The following TNR variants were observed in gnomAD, a reference collection of about 807,000 sequenced individuals.
TNR encodes tenascin R.
A neutral mutation model predicts 150.4 loss-of-function variants in TNR; 45 were observed. That is an observed-to-expected ratio of 0.30 (90% confidence interval 0.24 to 0.38). The LOEUF (loss-of-function observed/expected upper bound fraction) is 0.38, where lower values mean the gene tolerates loss of function less well. Among genes scored for constraint, TNR ranks in the 10% least tolerant of loss-of-function variants. The probability of loss-of-function intolerance (pLI) is 1.00; values close to 1 mark genes in which losing one functional copy is unlikely to be tolerated. For missense variants in TNR, 1,544 were observed against 1,759.1 expected (o/e 0.88, Z 2.19); for synonymous variants, 687 against 678.4 (o/e 1.01, Z -0.20).
intron 2 of TNR, among the ~76,000 whole-genome samples, chr1:175,416,165 C>G (rs2861281): frequency 4.6e-5 from 7 of 151,910 alleles, no homozygotes; most frequent in African/African-American, 1.7e-4. Flanking sequence ...AACACATATA[C>G]AAACACACAG....
intron 2 of TNR, among the ~76,000 whole-genome samples, chr1:175,427,656 TGTTTC>T (rs1655052577): frequency 1.4e-5 from 2 of 145,138 alleles, no homozygotes; most frequent in African/African-American, 5.1e-5. Flanking sequence ...AGAAGTGTTT[TGTTTC>T]CTTCCTTCCT....
intron 1 of TNR, among the ~76,000 whole-genome samples, chr1:175,545,553 C>T (rs1480234536): frequency 1.3e-5 from 2 of 152,142 alleles, no homozygotes; most frequent in Non-Finnish European, 2.9e-5. Context: ...TGCCTGAAAA[C>T]ATTTGGACCT....
intron 1 of TNR, among the ~76,000 whole-genome samples, chr1:175,570,336 G>A (rs1380968276): frequency 6.6e-5 from 10 of 152,132 alleles, no homozygotes; most frequent in Admixed American, 2.0e-4. Context: ...GGTAATTGAG[G>A]GCAGTTGGGG....
intron 1 of TNR, among the ~76,000 whole-genome samples, chr1:175,677,471 C>A (rs1341952646): frequency 6.6e-6 from 1 of 152,212 alleles, no homozygotes; most frequent in East Asian, 1.9e-4. Context: ...ACGAGGGACT[C>A]TCCCATCAGA....
chr1:175,625,378 G>A (rs952451480), intron 1 of TNR, among the ~76,000 whole-genome samples: 3 of 152,238 alleles, frequency 2.0e-5, no homozygotes, highest in Non-Finnish European at 4.4e-5. Context: ...GCTGGTAAAG[G>A]GGGACACAGG....
At position 175,583,346 on chromosome 1, in the gene TNR, C is replaced by A. The variant is rs187041231; in HGVS notation, c.-164-54977G>T. Among the ~76,000 whole-genome samples the A allele has an allele frequency of 2.6e-3, 401 of 152,280 alleles. 2 individuals are homozygous for A. The highest frequency in any genetic ancestry group is 9.3e-3 in the African/African-American group (386 of 41,548). ...GTGCCTGTGAGAGCTGAAGTAGGAG[C>A]CCAGCTGGCTAGAGGAGCCTGTTGA... On this transcript the variant is annotated intron_variant, in intron 1 of 22. Transcript: ENST00000367674.
chr1:175,424,374 G>A (rs894030890), intron 2 of TNR, among the ~76,000 whole-genome samples: 3 of 152,196 alleles, frequency 2.0e-5, no homozygotes, highest in Admixed American at 6.5e-5. Context: ...AAAAGCTTCT[G>A]TATTTTCCCC....
intron 1 of TNR, among the ~76,000 whole-genome samples, chr1:175,537,407 C>T (rs1157063877): frequency 2.0e-5 from 3 of 152,174 alleles, no homozygotes; most frequent in Non-Finnish European, 4.4e-5. Context: ...TAATTGCTTA[C>T]TCAGTGCTTG....
At chr1:175,365,325 G>T in intron 11 of TNR, 46 bp from the exon 12 acceptor site, 1 of 1,544,122 alleles carries the variant, frequency 6.5e-7, no homozygotes, top group South Asian at 1.3e-5. Flanking sequence ...GTGAGGAGAT[G>T]GGTCACTGGG....
At chr1:175,659,669 A>AT (rs1389832318) in intron 1 of TNR, among the ~76,000 whole-genome samples, 1 of 152,192 alleles carries the variant, frequency 6.6e-6, no homozygotes, top group Non-Finnish European at 1.5e-5. Context: ...CCCAGCCATC[A>AT]AATGGGAAGA....
intron 2 of TNR, among the ~76,000 whole-genome samples, chr1:175,443,128 A>G (rs1655870142): frequency 6.6e-6 from 1 of 152,226 alleles, no homozygotes; most frequent in African/African-American, 2.4e-5. Context: ...AAAGCCCCAT[A>G]AAGTCATTTG....
chr1:175,332,184 C>G (rs1649973865), intron 20 of TNR, among the ~76,000 whole-genome samples: 1 of 152,162 alleles, frequency 6.6e-6, no homozygotes, highest in Admixed American at 6.5e-5. Context: ...AAGCTAAGCT[C>G]TCTCCCACCA....
chr1:175,718,992 A>G (rs555988658), intron 1 of TNR, among the ~76,000 whole-genome samples: 2 of 152,294 alleles, frequency 1.3e-5, no homozygotes, highest in African/African-American at 4.8e-5. Flanking sequence ...AATTTCAGAC[A>G]AGAAGGTCCC....
At chr1:175,678,994 C>T (rs1665949618) in intron 1 of TNR, among the ~76,000 whole-genome samples, 1 of 152,256 alleles carries the variant, frequency 6.6e-6, no homozygotes, top group South Asian at 2.1e-4. Context: ...TCTGTCCACA[C>T]TGCCGGGGAA....
chr1:175,520,695 T>G (rs1321409255), intron 2 of TNR, among the ~76,000 whole-genome samples: 4 of 152,048 alleles, frequency 2.6e-5, no homozygotes, highest in Admixed American at 2.6e-4. Flanking sequence ...TCTCTCTTTC[T>G]CTCTCTCCCT....
At chr1:175,637,701 T>A (rs1664530741) in intron 1 of TNR, among the ~76,000 whole-genome samples, 1 of 152,164 alleles carries the variant, frequency 6.6e-6, no homozygotes, top group African/African-American at 2.4e-5. Flanking sequence ...GATAATTAAG[T>A]GTTGGATGAA....
chr1:175,603,924 A>G (rs1663329595), intron 1 of TNR, among the ~76,000 whole-genome samples: 1 of 152,232 alleles, frequency 6.6e-6, no homozygotes, highest in East Asian at 1.9e-4. Flanking sequence ...TGGTCAACAC[A>G]GAGAAAGGAG....
At chr1:175,687,798 A>T (rs1346761773) in intron 1 of TNR, among the ~76,000 whole-genome samples, 1 of 151,422 alleles carries the variant, frequency 6.6e-6, no homozygotes, top group Non-Finnish European at 1.5e-5. Context: ...GATGCATCCC[A>T]TATGGCTCAG....
chr1:175,622,763 G>A (rs1277573440), intron 1 of TNR, among the ~76,000 whole-genome samples: 1 of 152,226 alleles, frequency 6.6e-6, no homozygotes, highest in African/African-American at 2.4e-5. Context: ...CAAGGTATTA[G>A]CAGGGCTATG....
Sources: gnomAD v4.1 joint callset for allele counts (sites outside exome capture counted in the v4.1 genomes callset) on GRCh38, gnomAD v4.1.1 for gene constraint, MANE v1.5 for transcripts, NCBI Gene and HGNC (gene_info 2026-07-23, HGNC 2026-07-21) for gene names.